Variants in FAM81A observed in about 807,000 individuals in gnomAD.
FAM81A encodes the protein protein FAM81A.
FAM81A carries 19 observed loss-of-function variants against 46.7 expected under a neutral mutation model. That is an observed-to-expected ratio of 0.41 (90% CI 0.28 to 0.60). The LOEUF (loss-of-function observed/expected upper bound fraction) is 0.60. Ranked by LOEUF, FAM81A falls within the 20% of genes least tolerant of loss-of-function variation. FAM81A has a pLI of 0.34. For missense variants in FAM81A, 377 were observed against 453.5 expected (o/e 0.83, Z 1.53); for synonymous variants, 183 against 152.9 (o/e 1.20, Z -1.45).
intron 1 of FAM81A, among the ~76,000 whole-genome samples, chr15:59,441,760 C>A (rs561547160): frequency 6.6e-6 from 1 of 152,324 alleles, no homozygotes; most frequent in South Asian, 2.1e-4. Context: ...TGTCCAGGCC[C>A]ACTCGAACCT....
At chr15:59,471,988 G>A (rs895477711) in intron 3 of FAM81A, among the ~76,000 whole-genome samples, 1 of 152,252 alleles carries the variant, frequency 6.6e-6, no homozygotes, top group South Asian at 2.1e-4. Flanking sequence ...TGTTGCTTTG[G>A]TGCCTTATGG....
At chr15:59,518,964 T>G (rs1319933850) in intron 8 of FAM81A, among the ~76,000 whole-genome samples, 1 of 151,608 alleles carries the variant, frequency 6.6e-6, no homozygotes, top group Admixed American at 6.6e-5. Context: ...TGTGTGTGTG[T>G]GTGTGTGTGT....
At chr15:59,469,707 C>A (rs1466602981) in intron 3 of FAM81A, among the ~76,000 whole-genome samples, 2 of 152,060 alleles carry the variant, frequency 1.3e-5, no homozygotes, top group African/African-American at 2.4e-5. Flanking sequence ...GGCATTTAGC[C>A]CACTTACATT....
intron 7 of FAM81A, among the ~76,000 whole-genome samples, chr15:59,516,287 C>G (rs368437038): frequency 5.9e-4 from 89 of 152,084 alleles, no homozygotes; most frequent in African/African-American, 2.1e-3. Flanking sequence ...CACCATCCAT[C>G]CCTGGCTAAT....
At position 59,433,003 on chromosome 15, in the gene FAM81A, A is replaced by G. The variant is rs189418461; in HGVS notation, c.-77-25547A>G. ...AAAAAATACAAAAAATTAGCTGGGC[A>G]TGGTGGTGGGTGCCTGTAGTCCCAG... is the stretch of plus-strand genomic sequence containing the variant. On this transcript the variant is annotated intron_variant, in intron 2 of 4. Transcript: ENST00000558348. Among the ~76,000 whole-genome samples, 539 of 151,018 alleles carry G rather than the reference A, an allele frequency of 3.6e-3. 2 individuals carry two copies. Among genetic ancestry groups the G allele is most frequent in the African/African-American group, 0.012 (513 of 41,206 alleles).
intron 3 of FAM81A, among the ~76,000 whole-genome samples, chr15:59,478,607 C>T (rs1173927951): frequency 1.3e-5 from 2 of 152,114 alleles, no homozygotes; most frequent in East Asian, 3.8e-4. Flanking sequence ...TCTATTGAAA[C>T]AGGTATATCA....
chr15:59,491,647 C>G (rs1196663418), intron 3 of FAM81A, among the ~76,000 whole-genome samples: 1 of 152,106 alleles, frequency 6.6e-6, no homozygotes, highest in Non-Finnish European at 1.5e-5. Flanking sequence ...GATTATTACA[C>G]ATTGCATGCC....
chr15:59,405,004 C>G (rs1203624834), intron 2 of FAM81A, among the ~76,000 whole-genome samples: 2 of 152,182 alleles, frequency 1.3e-5, no homozygotes, highest in African/African-American at 4.8e-5. Context: ...GACACCAAAC[C>G]CAGGGCCTTT....
intron 2 of FAM81A, among the ~76,000 whole-genome samples, chr15:59,412,472 T>C (rs2081125529): frequency 6.6e-6 from 1 of 152,106 alleles, no homozygotes; most frequent in South Asian, 2.1e-4. Context: ...ATGTCTGTAA[T>C]CCCAACGCTT....
intron 3 of FAM81A, among the ~76,000 whole-genome samples, chr15:59,471,137 T>C (rs1426071197): frequency 2.6e-5 from 4 of 152,224 alleles, no homozygotes; most frequent in African/African-American, 9.6e-5. Context: ...TGTATATTTT[T>C]AACCTCTTTA....
At chr15:59,475,722 CTATA>C (rs1179856096) in intron 3 of FAM81A, among the ~76,000 whole-genome samples, 1 of 152,084 alleles carries the variant, frequency 6.6e-6, no homozygotes, top group Admixed American at 6.5e-5. Flanking sequence ...CTGGTAGTAA[CTATA>C]TATAATGACA....
Position 59,511,259 on chromosome 15 carries a change from G to A in FAM81A, c.650+2290G>A, listed in dbSNP as rs1358768156. 2.6e-5 allele frequency among the ~76,000 whole-genome samples: 4 copies of A among 151,786 alleles called. No individual in the cohort carries two copies. The East Asian group carries it at 7.7e-4, about 29-fold the overall frequency. The stretch of plus-strand genomic sequence containing the variant: ...GGATCAAAACACAACTAAAATATAG[G>A]TCAATGACAACATCTAAATGAGGAG... On this transcript the variant is annotated intron_variant, in intron 6 of 8. Transcript: ENST00000288228.
At chr15:59,473,508 ATG>A (rs1269672475) in intron 3 of FAM81A, among the ~76,000 whole-genome samples, 1 of 152,206 alleles carries the variant, frequency 6.6e-6, no homozygotes, top group East Asian at 1.9e-4. Flanking sequence ...GTGCCAGGGT[ATG>A]TTACAAAAAA....
chr15:59,474,081 C>G (rs2081734498), intron 3 of FAM81A, among the ~76,000 whole-genome samples: 2 of 152,170 alleles, frequency 1.3e-5, no homozygotes, highest in African/African-American at 4.8e-5. Context: ...TCTCATGCCC[C>G]CAGTTTCCTT....
chr15:59,416,434 C>T (rs1334820573), intron 2 of FAM81A, among the ~76,000 whole-genome samples: 1 of 152,190 alleles, frequency 6.6e-6, no homozygotes, highest in Non-Finnish European at 1.5e-5. Flanking sequence ...CAGGTTGTGC[C>T]TAACCAGTAG....
chr15:59,453,077 A>T (rs1314571949), intron 1 of FAM81A, among the ~76,000 whole-genome samples: 1 of 152,208 alleles, frequency 6.6e-6, no homozygotes, highest in East Asian at 1.9e-4. Flanking sequence ...GTTTTATTTT[A>T]AAAAATAGAT....
At position 59,460,254 on chromosome 15, in the gene FAM81A, G is replaced by T. The variant is rs763838298; in HGVS notation, c.294+48G>T. On this transcript the variant is annotated intron_variant, in intron 3 of 8. Coordinates refer to ENST00000288228, the MANE Select transcript of FAM81A (RefSeq NM_152450.3). The surrounding 1 kb of genome is among the most constrained non-coding windows in gnomAD (Gnocchi z 4.4). ...GGCCTATGTCCCTTTCCACAGAATT[G>T]CTCCATGTCAGGAGGTCACCCACAT... 2 of 1,613,336 alleles carry T rather than the reference G, an allele frequency of 1.2e-6. No individual in the cohort carries two copies. The highest frequency in any genetic ancestry group is 2.2e-5 in the South Asian group (2 of 90,908).
chr15:59,509,246 CTG>C (rs1300323427), intron 6 of FAM81A, among the ~76,000 whole-genome samples: 3 of 152,190 alleles, frequency 2.0e-5, no homozygotes, highest in Non-Finnish European at 4.4e-5. Context: ...AAACCAGACT[CTG>C]TTCTTATCCT....
intron 3 of FAM81A, 47 bp from the exon 4 acceptor site, chr15:59,492,224 C>A (rs774960170): frequency 7.2e-7 from 1 of 1,392,228 alleles, no homozygotes; most frequent in East Asian, 2.3e-5. Flanking sequence ...TTTGTGGAAG[C>A]ACGTGAATTC....
Sources: allele counts gnomAD v4.1 joint callset (sites outside exome capture counted in the v4.1 genomes callset), GRCh38; gene constraint gnomAD v4.1.1; non-coding constraint Gnocchi (gnomAD v3.1); transcripts MANE v1.5; gene names NCBI Gene and HGNC (gene_info 2026-07-23, HGNC 2026-07-21).